Variants in DUSP22 observed in about 807,000 individuals in gnomAD.
The protein encoded by DUSP22 is dual specificity protein phosphatase 22.
Under a neutral mutation model 24.5 loss-of-function variants are expected in DUSP22, and 24 were observed. The observed-to-expected ratio is 0.98, with a 90% CI of 0.71 to 1.38. The LOEUF is 1.38. DUSP22 is among the 40% of genes most tolerant of loss of function. DUSP22 has a pLI of 0.00. For synonymous variants in DUSP22, 160 were observed against 106.4 expected, an observed-to-expected ratio of 1.50 and a Z score of -3.10; for missense variants, 330 against 269.2, an observed-to-expected ratio of 1.23 and a Z score of -1.58.
At chr6:298,759 C>T (rs1757450131) in intron 1 of DUSP22, among the ~76,000 whole-genome samples, 1 of 152,312 alleles carries the variant, frequency 6.6e-6, no homozygotes, top group Non-Finnish European at 1.5e-5. Flanking sequence ...CCGTCTTCCT[C>T]TGTGGCCTGT....
At position 348,892 on chromosome 6, in the gene DUSP22, T is replaced by TG. The variant is rs777298161; in HGVS notation, c.561dup (p.Ser188GlufsTer13). Reference sequence around the variant, plus strand: ...AGAGCCCCAGCCCGGCGCCAGGCGGTGGAGCAGTTTTCCGGCACTGGCTCC... The same window carrying TG: ...AGAGCCCCAGCCCGGCGCCAGGCGGTGGGAGCAGTTTTCCGGCACTGGCTCC... On this transcript the variant is annotated frameshift_variant, in exon 7 of 7. Transcript: ENST00000419235. LOFTEE classifies it high-confidence loss of function. The TG allele has an allele frequency of 1.2e-6, 2 of 1,613,982 alleles. No homozygotes were observed. Among genetic ancestry groups the TG allele is most frequent in the African/African-American group, 2.7e-5 (2 of 74,962 alleles).
At chr6:301,935 A>C in intron 1 of DUSP22, among the ~76,000 whole-genome samples, 1 of 152,308 alleles carries the variant, frequency 6.6e-6, no homozygotes. Context: ...ATAATATAAA[A>C]TGTATTAATT....
chr6:339,513 T>C (rs1313761148), intron 4 of DUSP22, among the ~76,000 whole-genome samples: 1 of 152,308 alleles, frequency 6.6e-6, no homozygotes, highest in Non-Finnish European at 1.5e-5. Flanking sequence ...ATTGGCATTT[T>C]GTACTTTGAC....
rs1460744758 is a variant in DUSP22 at position 351,228 on chromosome 6, G to A, written c.*2277G>A. ...TGTGTGGCGTGAACTCTGCCCGTGTGTTCTCAAATTCCCCAGCTTGGGAAA... is the reference window on the plus strand; with the variant it reads ...TGTGTGGCGTGAACTCTGCCCGTGTATTCTCAAATTCCCCAGCTTGGGAAA... On this transcript the variant is annotated 3_prime_UTR_variant, in exon 7 of 7. Transcript: ENST00000419235. The A allele has an allele frequency of 7.7e-6, 2 of 260,968 alleles. No homozygotes were observed. The highest frequency in any genetic ancestry group is 1.5e-5 in the Non-Finnish European group (2 of 137,918). 16.2% of individuals were successfully genotyped at this position (260,968 alleles called of 1,614,324 possible).
intron 3 of DUSP22, among the ~76,000 whole-genome samples, chr6:321,600 A>G (rs1758591835): frequency 6.6e-6 from 1 of 152,296 alleles, no homozygotes; most frequent in Non-Finnish European, 1.5e-5. Context: ...TTGAAAATGA[A>G]AGAAGGGGAA....
At position 350,582 on chromosome 6, in the gene DUSP22, G is replaced by A. The variant is rs1020295561; in HGVS notation, c.*1631G>A. 65 of 1,415,556 alleles carry A rather than the reference G, an allele frequency of 4.6e-5. No homozygotes were observed. The highest frequency in any genetic ancestry group is 1.4e-4 in the African/African-American group (10 of 69,386). 87.7% of individuals were successfully genotyped at this position (1,415,556 alleles called of 1,614,324 possible). ...GATTCCGCGCAGGTGCACAGGCCCC[G>A]GATGTACACCCGGAAAGGGGAGTGT... On this transcript the variant is annotated 3_prime_UTR_variant, in exon 7 of 7. Transcript: ENST00000419235.
chr6:349,874 C>A lies in DUSP22; in HGVS notation c.*923C>A, dbSNP rs1561686650. ...GCACTTTAGCCTAAGTTGGGTGCCC[C>A]AGGGCACCCCCTCCTCTCTGCTCCT... On this transcript the variant is annotated 3_prime_UTR_variant, in exon 7 of 7. Transcript: ENST00000419235. 2 of 985,904 alleles carry A rather than the reference C, an allele frequency of 2.0e-6. No individual in the cohort carries two copies. The highest frequency in any genetic ancestry group is 2.4e-6 in the Non-Finnish European group (2 of 830,370). 61.1% of individuals were successfully genotyped at this position (985,904 alleles called of 1,614,324 possible). A position where few individuals can be genotyped will look rare whatever the true frequency, so the allele number is the denominator to read the frequency against.
intron 1 of DUSP22, among the ~76,000 whole-genome samples, chr6:304,370 C>T (rs1757723385): frequency 6.6e-6 from 1 of 152,308 alleles, no homozygotes; most frequent in Non-Finnish European, 1.5e-5. Context: ...CCTCAGAATG[C>T]CCACCAGCAC....
chr6:328,328 T>G (rs1462717724), intron 3 of DUSP22, among the ~76,000 whole-genome samples: 1 of 152,304 alleles, frequency 6.6e-6, no homozygotes, highest in Non-Finnish European at 1.5e-5. Flanking sequence ...TCTCCCTCAC[T>G]GCCTTCCCAT....
intron 2 of DUSP22, among the ~76,000 whole-genome samples, chr6:311,139 A>C (rs1197878533): frequency 2.0e-5 from 3 of 152,426 alleles, no homozygotes; most frequent in African/African-American, 7.2e-5. Flanking sequence ...TATAGAAATA[A>C]CATTGGTTAG....
chr6:292,624 G>T, intron 1 of DUSP22, 64 bp downstream of exon 1: 1 of 1,557,938 alleles, frequency 6.4e-7, no homozygotes, highest in Admixed American at 2.0e-5. Flanking sequence ...TCTCGCCGGC[G>T]TCGGCTGCCC....
chr6:304,490 C>A, intron 1 of DUSP22, 138 bp from the exon 2 acceptor site: 1 of 1,294,878 alleles, frequency 7.7e-7, no homozygotes, highest in Non-Finnish European at 1.1e-6. Context: ...TTGGGTCACC[C>A]GCGTGTCTGT....
At chr6:324,056 C>G (rs972279574) in intron 3 of DUSP22, among the ~76,000 whole-genome samples, 2 of 152,302 alleles carry the variant, frequency 1.3e-5, no homozygotes, top group Non-Finnish European at 2.9e-5. Context: ...TTTTGGCTTC[C>G]TGGTTTTTAA....
chr6:329,674 G>A lies in DUSP22; in HGVS notation c.139-5440G>A, dbSNP rs557501110. ...TTACCATGTTGGCCAGGCTGGTCTC[G>A]AACTCCTGACCTCGTGGCTCACCTG... On this transcript the variant is annotated intron_variant, in intron 3 of 6. Coordinates refer to ENST00000419235, the MANE Select transcript of DUSP22 (RefSeq NM_001286555.3). Among the ~76,000 whole-genome samples, 14 of 152,416 alleles carry A rather than the reference G, an allele frequency of 9.2e-5. No homozygotes were observed. The South Asian group carries it at 2.5e-3, about 27-fold the overall frequency.
chr6:307,195 T>C (rs1757848029), intron 2 of DUSP22, among the ~76,000 whole-genome samples: 1 of 152,304 alleles, frequency 6.6e-6, no homozygotes, highest in African/African-American at 2.4e-5. Flanking sequence ...ACGAGTAATA[T>C]GTGCCTCTTG....
intron 2 of DUSP22, among the ~76,000 whole-genome samples, chr6:311,047 G>T (rs1452406916): frequency 6.6e-6 from 1 of 152,302 alleles, no homozygotes; most frequent in Non-Finnish European, 1.5e-5. Flanking sequence ...AGTAAAATAG[G>T]GGCTCAAGTT....
At chr6:299,239 G>T (rs569862936) in intron 1 of DUSP22, among the ~76,000 whole-genome samples, 1 of 152,294 alleles carries the variant, frequency 6.6e-6, no homozygotes, top group Non-Finnish European at 1.5e-5. Flanking sequence ...CTCAGCTCCT[G>T]CGTGGCCTGA....
intron 3 of DUSP22, among the ~76,000 whole-genome samples, chr6:333,795 G>A (rs535033871): frequency 3.9e-5 from 6 of 152,408 alleles, no homozygotes; most frequent in South Asian, 4.1e-4. Context: ...CGAAGCCCAC[G>A]TGTGCTTCCC....
rs1393677060 is a variant in DUSP22, at chr6:316,704, A to G, written c.138+4742A>G. On this transcript the variant is annotated intron_variant, in intron 3 of 6. Coordinates refer to ENST00000419235, the MANE Select transcript of DUSP22 (RefSeq NM_001286555.3). ...CGGTGTTTCATTTTTCATTTTGTGTATTTAAGCAGAGCACCTGCAGGAAAC... is the reference window on the plus strand; with the variant it reads ...CGGTGTTTCATTTTTCATTTTGTGTGTTTAAGCAGAGCACCTGCAGGAAAC... 3.3e-5 allele frequency among the ~76,000 whole-genome samples: 5 copies of G among 152,426 alleles called. No individual in the cohort carries two copies. The South Asian group carries it at 6.2e-4, about 19-fold the overall frequency.
Sources: allele counts gnomAD v4.1 joint callset (sites outside exome capture counted in the v4.1 genomes callset), GRCh38; gene constraint gnomAD v4.1.1; transcripts MANE v1.5; gene names NCBI Gene and HGNC (gene_info 2026-07-23, HGNC 2026-07-21).